The following GALNT17 variants were observed in gnomAD, a reference collection of about 807,000 sequenced individuals.
The protein encoded by GALNT17 is UDP-GalNAc:polypeptide N-acetylgalactosaminyltransferase-like 3.
In GALNT17, 29 loss-of-function variants were observed where a neutral mutation model predicts 63.7. The observed-to-expected ratio is 0.46, with a 90% CI of 0.34 to 0.62. GALNT17 has a LOEUF of 0.62. GALNT17 is among the 20% of genes least tolerant of loss of function. GALNT17 has a pLI of 0.01. For missense variants in GALNT17, 603 were observed against 799.6 expected (o/e 0.75, Z 2.97); for synonymous variants, 305 against 318.3 (o/e 0.96, Z 0.45).
intron 6 of GALNT17, among the ~76,000 whole-genome samples, chr7:71,610,033 A>G (rs773140632): frequency 3.9e-5 from 6 of 152,170 alleles, no homozygotes; most frequent in Non-Finnish European, 8.8e-5. Flanking sequence ...GTGTCCATGA[A>G]TCAGTCACAA....
At chr7:71,462,145 CT>C (rs1439790787) in intron 5 of GALNT17, among the ~76,000 whole-genome samples, 1 of 152,164 alleles carries the variant, frequency 6.6e-6, no homozygotes, top group Non-Finnish European at 1.5e-5. Flanking sequence ...CCCTGGAGCC[CT>C]TGCCTGGTGG....
intron 5 of GALNT17, among the ~76,000 whole-genome samples, chr7:71,457,493 A>AAAAGAATG (rs1244599624): frequency 2.6e-5 from 4 of 152,224 alleles, no homozygotes; most frequent in Non-Finnish European, 5.9e-5. Flanking sequence ...GTAAAGGAAT[A>AAAAGAATG]AAAGAATGGC....
At chr7:71,284,021 G>A (rs963291925) in intron 1 of GALNT17, 3 of 152,300 alleles carry the variant, frequency 2.0e-5, no homozygotes, top group Non-Finnish European at 2.9e-5. Flanking sequence ...ACAAATAAGG[G>A]AATAAAAGCT....
chr7:71,501,761 C>T (rs1788184294), intron 5 of GALNT17, among the ~76,000 whole-genome samples: 1 of 152,186 alleles, frequency 6.6e-6, no homozygotes, highest in African/African-American at 2.4e-5. Flanking sequence ...TAGAGTGTCA[C>T]ACAGTTTTGC....
At chr7:71,412,092 T>C (rs1793439393) in intron 3 of GALNT17, among the ~76,000 whole-genome samples, 1 of 152,288 alleles carries the variant, frequency 6.6e-6, no homozygotes, top group South Asian at 2.1e-4. Flanking sequence ...CCGCCTTGAG[T>C]ATGGCTTCTC....
intron 6 of GALNT17, among the ~76,000 whole-genome samples, chr7:71,641,713 A>G (rs1213578713): frequency 6.6e-6 from 1 of 152,026 alleles, no homozygotes; most frequent in African/African-American, 2.4e-5. Flanking sequence ...TTTTGGGGAG[A>G]CATGGACATT....
At chr7:71,328,666 G>C (rs1156964687) in intron 1 of GALNT17, among the ~76,000 whole-genome samples, 1 of 112,940 alleles carries the variant, frequency 8.9e-6, no homozygotes, top group Non-Finnish European at 1.8e-5. Flanking sequence ...TTTTTTTTTT[G>C]CTGCTTTGTT....
chr7:71,216,167 A>G (rs1305907374), intron 1 of GALNT17, among the ~76,000 whole-genome samples: 1 of 152,140 alleles, frequency 6.6e-6, no homozygotes, highest in Admixed American at 6.6e-5. Context: ...CAGTGAGCCA[A>G]GATCGCACCA....
At chr7:71,232,659 T>A (rs140653874) in intron 1 of GALNT17, among the ~76,000 whole-genome samples, 6 of 152,176 alleles carry the variant, frequency 3.9e-5, no homozygotes, top group Non-Finnish European at 2.9e-5. Context: ...GCTCTGTGAC[T>A]GCTCCTGCAG....
chr7:71,174,184 C>T (rs892800173), intron 1 of GALNT17, among the ~76,000 whole-genome samples: 1 of 152,158 alleles, frequency 6.6e-6, no homozygotes. Context: ...GGGCTCTGCT[C>T]CAGGTGCCCG....
At chr7:71,317,978 A>C (rs528927802) in intron 1 of GALNT17, among the ~76,000 whole-genome samples, 5 of 151,640 alleles carry the variant, frequency 3.3e-5, no homozygotes, top group Non-Finnish European at 5.9e-5. Flanking sequence ...CTGGAGTGCA[A>C]TGGTGTGATT....
At chr7:71,417,615 G>T (rs187853475) in intron 4 of GALNT17, among the ~76,000 whole-genome samples, 2 of 152,138 alleles carry the variant, frequency 1.3e-5, no homozygotes, top group East Asian at 1.9e-4. Flanking sequence ...GAGATCCAGC[G>T]ATCTGTTGTA....
intron 5 of GALNT17, among the ~76,000 whole-genome samples, chr7:71,427,836 G>A (rs1473529758): frequency 1.3e-5 from 2 of 152,072 alleles, no homozygotes; most frequent in South Asian, 2.1e-4. Context: ...AGGGGCATTC[G>A]ATTCTCATAG....
intron 1 of GALNT17, among the ~76,000 whole-genome samples, chr7:71,226,163 G>A (rs1789676351): frequency 6.6e-6 from 1 of 152,168 alleles, no homozygotes; most frequent in African/African-American, 2.4e-5. Context: ...TGAGCTATCT[G>A]ACACCAGGGT....
intron 6 of GALNT17, among the ~76,000 whole-genome samples, chr7:71,642,249 C>G (rs1484594164): frequency 6.6e-6 from 1 of 152,110 alleles, no homozygotes; most frequent in East Asian, 1.9e-4. Flanking sequence ...ATGGAAACAC[C>G]TAAAACACAC....
At chr7:71,330,496 C>G (rs1319110471) in intron 1 of GALNT17, among the ~76,000 whole-genome samples, 1 of 152,174 alleles carries the variant, frequency 6.6e-6, no homozygotes, top group Non-Finnish European at 1.5e-5. Flanking sequence ...CTCCTGAGCT[C>G]AAGCAATCCT....
intron 1 of GALNT17, among the ~76,000 whole-genome samples, chr7:71,151,633 G>GAA (rs565056347): frequency 4.6e-4 from 56 of 121,608 alleles, no homozygotes; most frequent in Non-Finnish European, 7.3e-4. Context: ...AAAAAGAAAA[G>GAA]AAAAAAAAAA....
chr7:71,611,805 T>C (rs1790129499), intron 6 of GALNT17, among the ~76,000 whole-genome samples: 1 of 151,740 alleles, frequency 6.6e-6, no homozygotes, highest in East Asian at 1.9e-4. Flanking sequence ...TGTTGCAAAA[T>C]GGAAAGCATT....
chr7:71,196,107 T>C (rs1789043815), intron 1 of GALNT17, among the ~76,000 whole-genome samples: 1 of 152,056 alleles, frequency 6.6e-6, no homozygotes, highest in Non-Finnish European at 1.5e-5. Flanking sequence ...CTGTTCCCTC[T>C]CTTGCTGCTT....
Sources: allele counts gnomAD v4.1 joint callset (sites outside exome capture counted in the v4.1 genomes callset), GRCh38; gene constraint gnomAD v4.1.1; transcripts MANE v1.5; gene names NCBI Gene and HGNC (gene_info 2026-07-23, HGNC 2026-07-21).